Variants in HMBOX1 observed in about 807,000 individuals in gnomAD.
The protein encoded by HMBOX1 is homeobox-containing protein 1.
Under a neutral mutation model 54.5 loss-of-function variants are expected in HMBOX1, and 14 were observed. That is an observed-to-expected ratio of 0.26 (90% CI 0.17 to 0.40). HMBOX1 has a LOEUF of 0.40. Ranked by LOEUF, HMBOX1 falls within the 10% of genes least tolerant of loss-of-function variation. The probability of loss-of-function intolerance (pLI) is 1.00; values close to 1 mark genes in which losing one functional copy is unlikely to be tolerated. For missense variants in HMBOX1, 332 were observed against 514.4 expected, an observed-to-expected ratio of 0.65 and a Z score of 3.43; for synonymous variants, 160 against 181.0, an observed-to-expected ratio of 0.88 and a Z score of 0.93.
rs771420296 is a variant in HMBOX1, at chr8:28,970,426, G to A, written c.407G>A (p.Arg136His). 9 of 1,613,932 alleles carry A rather than the reference G, an allele frequency of 5.6e-6. No homozygotes were observed. Among genetic ancestry groups the A allele is most frequent in the Middle Eastern group, 1.6e-4 (1 of 6,084 alleles). The change falls in exon 3 of 10, where the codon CGC (arginine) becomes CAC (histidine). Residue 136 changes from arginine to histidine, a missense_variant. Physicochemically the swap from Arg to His is conservative, Grantham distance 29. Around this residue, in one of 4 missense-constraint regions of HMBOX1, gnomAD observed 146 missense variants for 173.3 expected, o/e 0.84. Transcript: ENST00000287701. This position sits in a 1 kb window ranked among gnomAD's most constrained non-coding sequence, Gnocchi z 4.3. The part of the protein sequence containing the change: ...STSNGKMSPT[R>H]YHANSMGQRS... ...TCCAATGGAAAGATGTCACCAACTCGCTACCATGCAAACAGCATGGGTCAG... is the reference window on the plus strand; with the variant it reads ...TCCAATGGAAAGATGTCACCAACTCACTACCATGCAAACAGCATGGGTCAG...
chr8:28,977,946 A>G (rs1828701511), intron 3 of HMBOX1, among the ~76,000 whole-genome samples: 1 of 146,992 alleles, frequency 6.8e-6, no homozygotes, highest in Non-Finnish European at 1.5e-5. Flanking sequence ...TCTGTCTCCA[A>G]AAAAAAAAAA....
At chr8:28,951,482 A>G (rs1823409743) in intron 1 of HMBOX1, among the ~76,000 whole-genome samples, 2 of 152,232 alleles carry the variant, frequency 1.3e-5, no homozygotes, top group African/African-American at 4.8e-5. Flanking sequence ...AAATCAATAT[A>G]TAATATGTCA....
rs549726667 is a variant in HMBOX1 at position 28,933,359 on chromosome 8, A to T, written c.-57-30452A>T. Among the ~76,000 whole-genome samples the T allele has an allele frequency of 7.9e-5, 12 of 152,324 alleles. No individual in the cohort carries two copies. In the South Asian group the frequency reaches 2.3e-3, roughly 29 times the overall value. On this transcript the variant is annotated intron_variant, in intron 1 of 9. Coordinates refer to ENST00000287701, the MANE Select transcript of HMBOX1 (RefSeq NM_001135726.3). ...CTCTTGATTCAGAGACCTGTCAACTAAATAGACTGCCAAATAAGCGATCTG... is the reference window on the plus strand; with the variant it reads ...CTCTTGATTCAGAGACCTGTCAACTTAATAGACTGCCAAATAAGCGATCTG...
intron 1 of HMBOX1, among the ~76,000 whole-genome samples, chr8:28,912,171 A>G (rs929620029): frequency 2.0e-5 from 3 of 152,212 alleles, no homozygotes; most frequent in African/African-American, 7.2e-5. Context: ...AGATGTATTA[A>G]ATGTGTATTC....
At chr8:28,966,953 A>C (rs1294980512) in intron 2 of HMBOX1, among the ~76,000 whole-genome samples, 2 of 152,244 alleles carry the variant, frequency 1.3e-5, no homozygotes, top group African/African-American at 2.4e-5. Flanking sequence ...GAGCAGGGAT[A>C]TATCAGGGGC....
chr8:28,902,957 T>C (rs1332698116), intron 1 of HMBOX1, among the ~76,000 whole-genome samples: 1 of 152,230 alleles, frequency 6.6e-6, no homozygotes, highest in Non-Finnish European at 1.5e-5. Flanking sequence ...AAGTGTATTC[T>C]CTATGATGGT....
intron 4 of HMBOX1, among the ~76,000 whole-genome samples, chr8:28,989,953 A>G (rs1581116): frequency 0.97 from 148,219 of 152,316 alleles, 72,125 homozygotes; most frequent in East Asian, 1. Flanking sequence ...TTATATTTTT[A>G]TTGCTATTAT....
intron 4 of HMBOX1, among the ~76,000 whole-genome samples, chr8:28,994,521 A>T (rs531337431): frequency 6.6e-6 from 1 of 152,210 alleles, no homozygotes; most frequent in Non-Finnish European, 1.5e-5. Flanking sequence ...AAGATTCTAC[A>T]CTACTGTTAA....
At chr8:29,023,543 C>CA (rs147227193) in intron 6 of HMBOX1, among the ~76,000 whole-genome samples, 3,862 of 152,202 alleles carry the variant, frequency 0.025, 161 homozygotes, top group African/African-American at 0.089. Flanking sequence ...GCTGGGACTA[C>CA]AGGCATGTGC....
At chr8:29,009,628 A>T in intron 5 of HMBOX1, 2 of 966,782 alleles carry the variant, frequency 2.1e-6, no homozygotes, top group South Asian at 1.8e-5. Context: ...TCTGCTAATG[A>T]TTTTTTTTTT....
intron 4 of HMBOX1, among the ~76,000 whole-genome samples, chr8:28,992,768 G>A (rs909597193): frequency 1.3e-5 from 2 of 149,692 alleles, no homozygotes; most frequent in Non-Finnish European, 3.0e-5. Flanking sequence ...TACTCAGGAG[G>A]CTGAGGCAGG....
intron 1 of HMBOX1, among the ~76,000 whole-genome samples, chr8:28,895,191 G>A (rs1811866222): frequency 6.6e-6 from 1 of 152,196 alleles, no homozygotes; most frequent in African/African-American, 2.4e-5. Flanking sequence ...TATGTCCAGA[G>A]ATGGTCCACA....
At chr8:28,917,488 A>C (rs1425607701) in intron 1 of HMBOX1, among the ~76,000 whole-genome samples, 3 of 152,124 alleles carry the variant, frequency 2.0e-5, no homozygotes, top group African/African-American at 7.2e-5. Context: ...TGACAATCAC[A>C]TTGCGTATGA....
intron 5 of HMBOX1, among the ~76,000 whole-genome samples, chr8:29,010,886 C>T (rs1428392077): frequency 1.3e-5 from 2 of 152,034 alleles, no homozygotes; most frequent in Non-Finnish European, 2.9e-5. Context: ...CTTCTTAAGC[C>T]ATGTAATTTG....
chr8:28,891,014 T>C (rs1373539563), intron 1 of HMBOX1: 2 of 152,942 alleles, frequency 1.3e-5, no homozygotes, highest in African/African-American at 4.8e-5. Flanking sequence ...GTGAGGTGAT[T>C]TGCAGGTGTG....
chr8:29,009,799 A>C, intron 5 of HMBOX1: 1 of 1,265,614 alleles, frequency 7.9e-7, no homozygotes, highest in Non-Finnish European at 1.0e-6. Flanking sequence ...GAAGTAGGCA[A>C]GATCTATTCA....
intron 4 of HMBOX1, among the ~76,000 whole-genome samples, chr8:28,995,668 A>T (rs1446396745): frequency 6.6e-6 from 1 of 152,182 alleles, no homozygotes; most frequent in East Asian, 1.9e-4. Context: ...ATCCTAATGG[A>T]TGTGAAGTGG....
chr8:29,042,211 T>C (rs958438133), intron 6 of HMBOX1, among the ~76,000 whole-genome samples: 3 of 151,882 alleles, frequency 2.0e-5, no homozygotes, highest in South Asian at 2.1e-4. Context: ...AGGGAAAAGA[T>C]GAGATATGCA....
intron 1 of HMBOX1, among the ~76,000 whole-genome samples, chr8:28,917,227 A>T (rs1390157424): frequency 6.6e-6 from 1 of 152,090 alleles, no homozygotes; most frequent in Non-Finnish European, 1.5e-5. Flanking sequence ...CTCTCCATTT[A>T]TTTAGATCAT....
Sources: allele counts gnomAD v4.1 joint callset (sites outside exome capture counted in the v4.1 genomes callset), GRCh38; gene constraint gnomAD v4.1.1; regional missense constraint gnomAD v4.1.1; non-coding constraint Gnocchi (gnomAD v3.1); transcripts MANE v1.5; gene names NCBI Gene and HGNC (gene_info 2026-07-23, HGNC 2026-07-21).